The following VCPIP1 variants were observed in gnomAD, a reference collection of about 807,000 sequenced individuals.
VCPIP1 encodes deubiquitinating protein VCPIP1.
VCPIP1 carries 8 observed loss-of-function variants against 85.0 expected under a neutral mutation model. That is an observed-to-expected ratio of 0.09 (90% CI 0.06 to 0.17). VCPIP1 has a LOEUF of 0.17. Ranked by LOEUF, VCPIP1 falls within the 10% of genes least tolerant of loss-of-function variation. The pLI is 1.00. For synonymous variants in VCPIP1, 543 were observed against 544.5 expected (o/e 1.00, Z 0.04); for missense variants, 1,070 against 1,486.3 (o/e 0.72, Z 4.61).
At chr8:66,653,483 T>C (rs1811072138) in intron 1 of VCPIP1, 1 of 152,166 alleles carries the variant, frequency 6.6e-6, no homozygotes, top group Non-Finnish European at 1.5e-5. Context: ...GGTCTAAAGG[T>C]AGTGAGTTAT....
intron 1 of VCPIP1, among the ~76,000 whole-genome samples, chr8:66,656,782 G>C (rs916286412): frequency 2.6e-5 from 4 of 151,778 alleles, no homozygotes; most frequent in African/African-American, 9.7e-5. Flanking sequence ...ACTAACTTTT[G>C]TATTTTTAGT....
At chr8:66,656,550 G>C (rs1811102454) in intron 1 of VCPIP1, among the ~76,000 whole-genome samples, 1 of 151,956 alleles carries the variant, frequency 6.6e-6, no homozygotes, top group African/African-American at 2.4e-5. Context: ...AATTTATGAG[G>C]CAAAGCAGTA....
At chr8:66,635,913 CAAAAAAAAAAA>C (rs1187108604) in intron 2 of VCPIP1, among the ~76,000 whole-genome samples, 2 of 75,730 alleles carry the variant, frequency 2.6e-5, no homozygotes, top group African/African-American at 9.6e-5. Context: ...AACTCTATCT[CAAAAAAAAAAA>C]AAAAAAAAAG....
rs1810828353 is a variant in VCPIP1, at chr8:66,630,868, CTT to C, written c.*3631_*3632del. 6.6e-6 allele frequency: 1 copy of C among 152,440 alleles called. No individual in the cohort carries two copies. The highest frequency in any genetic ancestry group is 2.4e-5 in the African/African-American group (1 of 41,424). 9.4% of individuals were successfully genotyped at this position (152,440 alleles called of 1,614,324 possible). A position where few individuals can be genotyped will look rare whatever the true frequency, so the allele number is the denominator to read the frequency against. On this transcript the variant is annotated 3_prime_UTR_variant, in exon 3 of 3. Coordinates refer to ENST00000310421, the MANE Select transcript of VCPIP1 (RefSeq NM_025054.5). The stretch of plus-strand genomic sequence containing the variant: ...AACTTACATGGGTGATATAGTTCCC[CTT>C]TGTTGTTTTATTTCTTAAATATACA...
Position 66,664,489 on chromosome 8 carries a change from T to C in VCPIP1, c.2470A>G (p.Lys824Glu). The C allele has an allele frequency of 1.2e-6, 2 of 1,614,186 alleles. No individual in the cohort carries two copies. The highest frequency in any genetic ancestry group is 1.1e-5 in the South Asian group (1 of 91,086). ...CCTGCCTGTGGTGGCATTAACTCTT[T>C]AGGAGGAAACCCGTATCGAATACAC... ...LQCIRYGFPPKELMPPQAGME... is the reference protein window; with the variant it reads ...LQCIRYGFPPEELMPPQAGME... Residue 824 changes from lysine (K) to glutamate (E), a missense_variant, in exon 1 of 3, where the codon AAA becomes GAA. Lys to Glu is a moderately conservative substitution (Grantham distance 56, BLOSUM62 1). This residue lies in a region of VCPIP1 where 278 missense variants were observed against 298.5 expected (regional missense o/e 0.93). Coordinates refer to ENST00000310421, the MANE Select transcript of VCPIP1 (RefSeq NM_025054.5).
At chr8:66,645,743 C>T (rs934152280) in intron 2 of VCPIP1, among the ~76,000 whole-genome samples, 27 of 85,460 alleles carry the variant, frequency 3.2e-4, no homozygotes, top group African/African-American at 1.3e-3. Context: ...AGCAATATGG[C>T]AAAACCCTGT....
chr8:66,629,195 C>T lies in VCPIP1; in HGVS notation c.*5306G>A, dbSNP rs1810809442. On this transcript the variant is annotated 3_prime_UTR_variant, in exon 3 of 3. Transcript: ENST00000310421. The stretch of plus-strand genomic sequence containing the variant: ...TACGTGTTAACTCATTTAAGACAGC[C>T]ACCCTGGGAGCAGATGTGATCATCA... 6.6e-6 allele frequency: 1 copy of T among 152,122 alleles called. No individual in the cohort carries two copies. The highest frequency in any genetic ancestry group is 6.5e-5 in the Admixed American group (1 of 15,272). The allele number at this position is 152,122 out of a possible 1,614,324, so 9.4% of individuals were successfully genotyped here.
chr8:66,661,371 G>A (rs919956212), intron 1 of VCPIP1, among the ~76,000 whole-genome samples: 1 of 152,076 alleles, frequency 6.6e-6, no homozygotes, highest in African/African-American at 2.4e-5. Flanking sequence ...AGATATTCAG[G>A]TCCAAGAACC....
At chr8:66,647,346 CATAAGTAAGTAA>C (rs901502224) in intron 2 of VCPIP1, among the ~76,000 whole-genome samples, 7 of 151,514 alleles carry the variant, frequency 4.6e-5, no homozygotes, top group Middle Eastern at 3.4e-3. Flanking sequence ...ATCTCAAAAA[CATAAGTAAGTAA>C]ATAAGTAAGT....
At chr8:66,635,497 A>C in intron 2 of VCPIP1, 125 bp from the exon 3 acceptor site, 1 of 1,013,342 alleles carries the variant, frequency 9.9e-7, no homozygotes, top group Non-Finnish European at 1.4e-6. Flanking sequence ...CTTTCAAAAC[A>C]AAATTCATTC....
chr8:66,653,226 T>C (rs1234010340), intron 1 of VCPIP1, among the ~76,000 whole-genome samples: 1 of 149,734 alleles, frequency 6.7e-6, no homozygotes, highest in Non-Finnish European at 1.5e-5. Context: ...AGTTTAATAT[T>C]AATAAGAGTC....
intron 1 of VCPIP1, among the ~76,000 whole-genome samples, chr8:66,656,457 T>G (rs571949793): frequency 4.3e-4 from 65 of 152,332 alleles, no homozygotes; most frequent in African/African-American, 1.5e-3. Context: ...CCTCCCAAAG[T>G]GCTGGGATTA....
intron 2 of VCPIP1, among the ~76,000 whole-genome samples, chr8:66,642,000 T>C (rs982661947): frequency 2.0e-5 from 3 of 152,230 alleles, no homozygotes; most frequent in Middle Eastern, 3.2e-3. Flanking sequence ...ATTTAACCTT[T>C]TGAGGAACTG....
chr8:66,659,751 C>A (rs912829132), intron 1 of VCPIP1, among the ~76,000 whole-genome samples: 7 of 151,772 alleles, frequency 4.6e-5, no homozygotes, highest in Non-Finnish European at 8.8e-5. Context: ...GGCAACGTGG[C>A]GAAACCCCAT....
rs1356498543 is a variant in VCPIP1, at chr8:66,639,125, C to T, written c.2798-3753G>A. 4.6e-5 allele frequency among the ~76,000 whole-genome samples: 7 copies of T among 150,986 alleles called. No individual in the cohort carries two copies. The East Asian group carries it at 9.8e-4, about 21-fold the overall frequency. ...TCAGCCTCACCAGTAGCTGAGACTA[C>T]GGGCACATGCCACCACACCTGGCCA... On this transcript the variant is annotated intron_variant, in intron 2 of 2. Coordinates refer to ENST00000310421, the MANE Select transcript of VCPIP1 (RefSeq NM_025054.5).
Position 66,664,857 on chromosome 8 carries a change from G to C in VCPIP1, c.2102C>G (p.Thr701Ser), listed in dbSNP as rs1265437956. 2 of 1,613,942 alleles carry C rather than the reference G, an allele frequency of 1.2e-6. No individual in the cohort carries two copies. The highest frequency in any genetic ancestry group is 2.7e-5 in the African/African-American group (2 of 74,916). Residue 701 changes from threonine to serine, a missense_variant, in exon 1 of 3, where the codon ACT (threonine) becomes AGT (serine). This residue lies in a region of VCPIP1 where 278 missense variants were observed against 298.5 expected (regional missense o/e 0.93). Transcript: ENST00000310421. ...KIILTGQKTK[T>S]LHKEELNMSK... The stretch of plus-strand genomic sequence containing the variant: ...CATGTTTAACTCCTCCTTGTGCAAA[G>C]TTTTTGTTTTCTGTCCAGTAAGAAT...
At chr8:66,638,608 T>G (rs573147174) in intron 2 of VCPIP1, among the ~76,000 whole-genome samples, 2 of 151,536 alleles carry the variant, frequency 1.3e-5, no homozygotes, top group East Asian at 3.9e-4. Flanking sequence ...TGAAACCTCA[T>G]CTCTACTAAA....
At position 66,656,004 on chromosome 8, in the gene VCPIP1, G is replaced by A. The variant is rs367876673; in HGVS notation, c.2711-4460C>T. On this transcript the variant is annotated intron_variant, in intron 1 of 2. Transcript: ENST00000310421. ...TATATATGGCAGTGGTACTATGAACGCTTTTTCTTTTGGTTTATCCAATTT... is the reference window on the plus strand; with the variant it reads ...TATATATGGCAGTGGTACTATGAACACTTTTTCTTTTGGTTTATCCAATTT... 2.8e-4 allele frequency among the ~76,000 whole-genome samples: 43 copies of A among 151,958 alleles called. No homozygotes were observed. In the East Asian group the frequency reaches 7.5e-3, roughly 27 times the overall value.
At chr8:66,657,259 C>T (rs1811109882) in intron 1 of VCPIP1, among the ~76,000 whole-genome samples, 2 of 152,032 alleles carry the variant, frequency 1.3e-5, no homozygotes, top group Non-Finnish European at 2.9e-5. Context: ...CTGAACTCAA[C>T]TATTTATGAC....
Sources: allele counts gnomAD v4.1 joint callset (sites outside exome capture counted in the v4.1 genomes callset), GRCh38; gene constraint gnomAD v4.1.1; regional missense constraint gnomAD v4.1.1; transcripts MANE v1.5; gene names NCBI Gene and HGNC (gene_info 2026-07-23, HGNC 2026-07-21).